MTMR14: variants seen among roughly 807,000 people sequenced by gnomAD.
The protein encoded by MTMR14 is myotubularin related protein 14, also known as phosphatidylinositol-3,5-bisphosphate 3-phosphatase MTMR14.
Under a neutral mutation model 86.3 loss-of-function variants are expected in MTMR14, and 48 were observed. The ratio of observed to expected loss-of-function variants is 0.56; its 90% CI spans 0.44 to 0.71. The LOEUF (loss-of-function observed/expected upper bound fraction) is 0.71, where lower values mean the gene tolerates loss of function less well. MTMR14 is among the 30% of genes least tolerant of loss of function. The pLI is 0.00. For synonymous variants in MTMR14, 366 were observed against 326.1 expected (o/e 1.12, Z -1.32); for missense variants, 780 against 834.6 (o/e 0.93, Z 0.81).
At position 9,678,011 on chromosome 3, in the gene MTMR14, C is replaced by T. The variant is rs372538745; in HGVS notation, c.850C>T (p.Pro284Ser). ...QDYVDAPLSI[P>S]DFLTHSLNID... Reference sequence around the variant, plus strand: ...CTACGTTGATGCCCCATTGAGCATCCCCGACTTCCTGACTCACTCTCTGAA... The same window carrying T: ...CTACGTTGATGCCCCATTGAGCATCTCCGACTTCCTGACTCACTCTCTGAA... Residue 284 changes from proline (P) to serine (S), a missense_variant, in exon 9 of 19, where the codon CCC becomes TCC. By Grantham distance (74) the Pro-to-Ser change is moderately conservative. Transcript: ENST00000296003. The T allele has an allele frequency of 7.1e-5, 115 of 1,613,946 alleles. No homozygotes were observed. The highest frequency in any genetic ancestry group is 9.5e-5 in the Non-Finnish European group (112 of 1,180,008).
At chr3:9,659,065 C>A (rs1039911911) in intron 2 of MTMR14, among the ~76,000 whole-genome samples, 5 of 152,100 alleles carry the variant, frequency 3.3e-5, no homozygotes, top group African/African-American at 9.7e-5. Context: ...GACACCTTGT[C>A]ACTACAAAAA....
chr3:9,681,307 G>A (rs2075760676), intron 9 of MTMR14, among the ~76,000 whole-genome samples: 1 of 152,286 alleles, frequency 6.6e-6, no homozygotes, highest in South Asian at 2.1e-4. Context: ...CCTCCCTGGG[G>A]CTGCTGTCCC....
At chr3:9,695,024 A>G (rs1007676042) in intron 17 of MTMR14, among the ~76,000 whole-genome samples, 8 of 152,194 alleles carry the variant, frequency 5.3e-5, no homozygotes, top group African/African-American at 1.9e-4. Context: ...GCTTGGTCCC[A>G]TGTTCTCTCC....
Position 9,689,981 on chromosome 3 carries a change from C to G in MTMR14, c.1451C>G (p.Ser484Cys). 1 of 1,611,022 alleles carries G rather than the reference C, an allele frequency of 6.2e-7. No homozygotes were observed. The highest frequency in any genetic ancestry group is 8.5e-7 in the Non-Finnish European group (1 of 1,179,572). The part of the protein sequence containing the change: ...TQAAWRKSHS[S>C]SPQSVLWNRP... Reference sequence around the variant, plus strand: ...CACTGCAGGAGGAAGAGCCACTCATCCTCTCCACAGAGTGTCCTCTGGAAC... The same window carrying G: ...CACTGCAGGAGGAAGAGCCACTCATGCTCTCCACAGAGTGTCCTCTGGAAC... The change falls in exon 17 of 19, where the codon TCC becomes TGC. Residue 484 changes from serine to cysteine, a missense_variant. Coordinates refer to ENST00000296003, the MANE Select transcript of MTMR14 (RefSeq NM_001077525.3).
rs770033398 is a variant in MTMR14 at position 9,689,097 on chromosome 3, T to C, written c.1433+15T>C. 14 of 1,607,842 alleles carry C rather than the reference T, an allele frequency of 8.7e-6. No homozygotes were observed. Among genetic ancestry groups the C allele is most frequent in the Non-Finnish European group, 1.2e-5 (14 of 1,179,990 alleles). On this transcript the variant is annotated intron_variant, in intron 16 of 18. Transcript: ENST00000296003. ...CAGGCAGCTTGGTAAGGGGCCAGAC[T>C]TGGACCAAGGTCACTCACAGCTGTG... is the stretch of plus-strand genomic sequence containing the variant.
chr3:9,688,786 C>T, intron 15 of MTMR14, 32 bp downstream of exon 15: 1 of 1,613,688 alleles, frequency 6.2e-7, no homozygotes, highest in Non-Finnish European at 8.5e-7. Flanking sequence ...ACTTCCCTTC[C>T]TCCATACATC....
chr3:9,676,857 C>G (rs2075597809), intron 7 of MTMR14, among the ~76,000 whole-genome samples: 1 of 152,204 alleles, frequency 6.6e-6, no homozygotes, highest in African/African-American at 2.4e-5. Context: ...TTAGGATGTT[C>G]AGTCTTCACT....
intron 13 of MTMR14, among the ~76,000 whole-genome samples, chr3:9,686,484 T>G (rs867449140): frequency 1.3e-5 from 2 of 151,924 alleles, no homozygotes; most frequent in African/African-American, 4.8e-5. Context: ...GACCTTTCTG[T>G]TACCCCCCCC....
rs1449323519 is a variant in MTMR14, at chr3:9,666,180, C to CTGGAGTG, written c.418-2538_418-2532dup. Among the ~76,000 whole-genome samples the CTGGAGTG allele has an allele frequency of 4.3e-5, 6 of 138,524 alleles. No homozygotes were observed. In the East Asian group the frequency reaches 1.0e-3, roughly 24 times the overall value. The allele number at this position is 138,524 out of a possible 152,430, so 90.9% of individuals were successfully genotyped here. On this transcript the variant is annotated intron_variant, in intron 3 of 18. Transcript: ENST00000296003. ...AGACAGTCTCTCTCCGTTGCCCAAG[C>CTGGAGTG]TGGAGTGCAGTGGTGCCATCTTGGC...
chr3:9,680,511 A>G (rs1035094600), intron 9 of MTMR14, among the ~76,000 whole-genome samples: 1 of 152,210 alleles, frequency 6.6e-6, no homozygotes, highest in South Asian at 2.1e-4. Flanking sequence ...ACCCAGCTCC[A>G]TGCAGTCTGG....
intron 2 of MTMR14, among the ~76,000 whole-genome samples, chr3:9,658,127 T>A (rs1239159780): frequency 6.6e-6 from 1 of 152,188 alleles, no homozygotes; most frequent in African/African-American, 2.4e-5. Context: ...TGAAGTGATG[T>A]TGAGTGGGTG....
intron 7 of MTMR14, among the ~76,000 whole-genome samples, chr3:9,676,099 G>A (rs1006253944): frequency 2.0e-5 from 3 of 152,172 alleles, no homozygotes; most frequent in African/African-American, 7.2e-5. Context: ...CCCAAGAGTT[G>A]CTGCGACATT....
At chr3:9,661,054 C>T (rs1251721806) in intron 2 of MTMR14, among the ~76,000 whole-genome samples, 1 of 152,214 alleles carries the variant, frequency 6.6e-6, no homozygotes, top group Non-Finnish European at 1.5e-5. Context: ...TAGAAGCTCA[C>T]TTACCAAGCC....
intron 7 of MTMR14, among the ~76,000 whole-genome samples, chr3:9,674,570 T>G (rs184327697): frequency 2.0e-5 from 3 of 152,054 alleles, no homozygotes; most frequent in Admixed American, 2.0e-4. Context: ...GTAAGATTGC[T>G]TGAGCCCAGG....
chr3:9,687,520 A>G (rs1182357828), intron 13 of MTMR14, among the ~76,000 whole-genome samples: 13 of 151,154 alleles, frequency 8.6e-5, no homozygotes, highest in Non-Finnish European at 2.9e-5. Context: ...ACGCCATTGC[A>G]CTCCAGCCTG....
rs747100745 is a variant in MTMR14 at position 9,689,051 on chromosome 3, G to A, written c.1402G>A (p.Val468Ile). The A allele has an allele frequency of 3.7e-6, 6 of 1,613,274 alleles. No homozygotes were observed. The highest frequency in any genetic ancestry group is 4.2e-6 in the Non-Finnish European group (5 of 1,180,034). The change falls in exon 16 of 19, where the codon GTC becomes ATC. Residue 468 changes from valine to isoleucine, a missense_variant. Val to Ile is a conservative substitution (Grantham distance 29). Coordinates refer to ENST00000296003, the MANE Select transcript of MTMR14 (RefSeq NM_001077525.3). ...CTTCACCTATGAGGCCGTGGAGCTGGTCCCAGCAGGAGCGCCAACTCAGGC... is the reference window on the plus strand; with the variant it reads ...CTTCACCTATGAGGCCGTGGAGCTGATCCCAGCAGGAGCGCCAACTCAGGC... The part of the protein sequence containing the change: ...GSFTYEAVEL[V>I]PAGAPTQAAW...
chr3:9,658,444 C>G (rs2047733190), intron 2 of MTMR14, among the ~76,000 whole-genome samples: 1 of 152,162 alleles, frequency 6.6e-6, no homozygotes, highest in Non-Finnish European at 1.5e-5. Flanking sequence ...CCTCAGGGAT[C>G]AAGTTGGAAG....
At chr3:9,654,912 T>C (rs1397599240) in intron 2 of MTMR14, among the ~76,000 whole-genome samples, 2 of 152,220 alleles carry the variant, frequency 1.3e-5, no homozygotes, top group Admixed American at 1.3e-4. Context: ...CTTGTGTTTA[T>C]GTGCCTGGGA....
intron 4 of MTMR14, 75 bp from the exon 5 acceptor site, chr3:9,669,357 G>A (rs968352720): frequency 3.4e-6 from 5 of 1,483,918 alleles, no homozygotes; most frequent in Non-Finnish European, 4.7e-6. Context: ...TATGGGGAAG[G>A]AGGCTGGTGA....
Sources: allele counts gnomAD v4.1 joint callset (sites outside exome capture counted in the v4.1 genomes callset), GRCh38; gene constraint gnomAD v4.1.1; transcripts MANE v1.5; gene names NCBI Gene and HGNC (gene_info 2026-07-23, HGNC 2026-07-21).